The following LPA variants were observed in gnomAD, a reference collection of about 807,000 sequenced individuals.
The protein encoded by LPA is lipoprotein(a).
A neutral mutation model predicts 197.9 loss-of-function variants in LPA; 199 were observed. The observed-to-expected ratio is 1.01, with a 90% CI of 0.90 to 1.13. LPA has a LOEUF of 1.13. Among genes scored for constraint, LPA ranks in the 50% most tolerant of loss-of-function variants. The pLI, the probability that LPA is intolerant of heterozygous loss-of-function variation, is 0.00. For synonymous variants in LPA, 715 were observed against 639.5 expected (o/e 1.12, Z -1.78); for missense variants, 1,853 against 1,785.8 (o/e 1.04, Z -0.68).
intron 29 of LPA, among the ~76,000 whole-genome samples, chr6:160,556,940 C>A (rs1778274737): frequency 6.6e-6 from 1 of 152,068 alleles, no homozygotes; most frequent in South Asian, 2.1e-4. Context: ...TGCCAAATAG[C>A]CCCAGGATTA....
intron 20 of LPA, among the ~76,000 whole-genome samples, 191 bp downstream of exon 20, chr6:160,599,309 C>T (rs978037936): frequency 1.3e-5 from 2 of 152,168 alleles, no homozygotes; most frequent in Non-Finnish European, 2.9e-5. Context: ...TGCCACTGCA[C>T]TCCAGCCTGG....
rs1337089315 is a variant in LPA at position 160,650,466 on chromosome 6, A to G, written c.81T>C (p.Asp27=). The G allele has an allele frequency of 1.2e-6, 2 of 1,613,678 alleles. No individual in the cohort carries two copies. Among genetic ancestry groups the G allele is most frequent in the Admixed American group, 1.7e-5 (1 of 59,988 alleles). The change falls in exon 2 of 39, where the codon GAT becomes GAC. Residue 27 remains aspartate, a synonymous_variant. Transcript: ENST00000316300. ...AACTCTGTCCATCACCATGGTAGCA[A>G]TCCTGGACCACATGGCTTTGCTCAG... The part of the protein sequence containing the change: ...AAPEQSHVVQ[D]CYHGDGQSYR...
At chr6:160,578,427 C>A in intron 27 of LPA, 96 bp downstream of exon 27, 2 of 1,496,140 alleles carry the variant, frequency 1.3e-6, no homozygotes, top group Non-Finnish European at 1.9e-6. Flanking sequence ...AGACCCTCAA[C>A]CAACCCTCCA....
intron 28 of LPA, among the ~76,000 whole-genome samples, chr6:160,569,766 G>A (rs897284063): frequency 6.6e-6 from 1 of 152,044 alleles, no homozygotes; most frequent in African/African-American, 2.4e-5. Context: ...AATCTACAAA[G>A]AACATAAACA....
At chr6:160,594,197 G>T in intron 21 of LPA, 80 bp from the exon 22 acceptor site, 1 of 1,551,868 alleles carries the variant, frequency 6.4e-7, no homozygotes, top group Admixed American at 1.7e-5. Flanking sequence ...ACTGAAACAG[G>T]ATCATTGTCT....
In LPA at chr6:160,611,194, A is replaced by G. The variant is rs547981776; in HGVS notation, c.2603+368T>C. Among the ~76,000 whole-genome samples the G allele has an allele frequency of 5.3e-5, 8 of 152,220 alleles. No individual in the cohort carries two copies. The East Asian group carries it at 1.5e-3, about 29-fold the overall frequency. On this transcript the variant is annotated intron_variant, in intron 16 of 38. Coordinates refer to ENST00000316300, the MANE Select transcript of LPA (RefSeq NM_005577.4). ...GAGCCCAGACAGAAAAGGCAAACAC[A>G]ATCTTCCCTTCAGGAATTGGAAGTC... is the stretch of plus-strand genomic sequence containing the variant.
chr6:160,579,228 A>G (rs1351474291), intron 26 of LPA, among the ~76,000 whole-genome samples: 3 of 152,174 alleles, frequency 2.0e-5, no homozygotes, highest in African/African-American at 7.2e-5. Flanking sequence ...ATTTACTCAT[A>G]GTGTAGCATA....
At chr6:160,580,807 A>T (rs1440578982) in intron 26 of LPA, among the ~76,000 whole-genome samples, 1 of 152,216 alleles carries the variant, frequency 6.6e-6, no homozygotes, top group Non-Finnish European at 1.5e-5. Context: ...CTCTGGATAC[A>T]GGCCATTTGT....
At chr6:160,542,105 G>A (rs913936471) in intron 34 of LPA, among the ~76,000 whole-genome samples, 4 of 152,164 alleles carry the variant, frequency 2.6e-5, no homozygotes, top group Non-Finnish European at 4.4e-5. Context: ...CTGAACTTAC[G>A]AATTGCATGT....
intron 18 of LPA, among the ~76,000 whole-genome samples, chr6:160,601,946 G>A (rs1189668952): frequency 6.6e-6 from 1 of 152,168 alleles, no homozygotes; most frequent in African/African-American, 2.4e-5. Context: ...GAAGAGGTCG[G>A]GCAGCTATGG....
chr6:160,572,658 T>C (rs1029774067), intron 28 of LPA, among the ~76,000 whole-genome samples: 2 of 152,224 alleles, frequency 1.3e-5, no homozygotes, highest in Non-Finnish European at 2.9e-5. Flanking sequence ...CTTTCCTTCA[T>C]ATATGATGCT....
chr6:160,599,377 A>C, intron 20 of LPA, 123 bp downstream of exon 20: 2 of 1,434,458 alleles, frequency 1.4e-6, no homozygotes, highest in Non-Finnish European at 2.0e-6. Context: ...ACTTTTGCTC[A>C]CAGGAAATGT....
rs1583597324 is a variant in LPA, at chr6:160,585,044, A to G, written c.4289+2T>C. 6.2e-7 allele frequency: 1 copy of G among 1,613,510 alleles called. No individual in the cohort carries two copies. The highest frequency in any genetic ancestry group is 1.7e-5 in the Admixed American group (1 of 59,980). On this transcript the variant is annotated splice_donor_variant, in intron 26 of 38. Coordinates refer to ENST00000316300, the MANE Select transcript of LPA (RefSeq NM_005577.4). LOFTEE classifies it high-confidence loss of function. ...CTTTTATGGCTAACATGATAGACAT[A>G]CGCATTTGGATAGTATAATGGGATC...
chr6:160,656,325 C>A (rs1264345735), intron 1 of LPA, among the ~76,000 whole-genome samples: 1 of 152,128 alleles, frequency 6.6e-6, no homozygotes, highest in Non-Finnish European at 1.5e-5. Flanking sequence ...GCCTTTCCCA[C>A]CATAATAGCC....
intron 20 of LPA, among the ~76,000 whole-genome samples, chr6:160,597,176 G>A (rs537761214): frequency 6.6e-6 from 1 of 152,244 alleles, no homozygotes; most frequent in South Asian, 2.1e-4. Flanking sequence ...ATAGGTCGAC[G>A]TTTTTATTGA....
intron 38 of LPA, among the ~76,000 whole-genome samples, 180 bp downstream of exon 38, chr6:160,532,351 G>A (rs1034009484): frequency 3.9e-5 from 6 of 152,136 alleles, no homozygotes; most frequent in Non-Finnish European, 8.8e-5. Context: ...GCCCCAAGAC[G>A]TCTCCTTAGA....
At chr6:160,544,861 C>G (rs1413265375) in intron 33 of LPA, among the ~76,000 whole-genome samples, 1 of 152,114 alleles carries the variant, frequency 6.6e-6, no homozygotes, top group African/African-American at 2.4e-5. Context: ...CAATAAGAGT[C>G]TCAGAGCAAT....
chr6:160,535,788 C>T (rs562501458), intron 37 of LPA, among the ~76,000 whole-genome samples: 6 of 152,004 alleles, frequency 3.9e-5, no homozygotes, highest in South Asian at 4.2e-4. Context: ...GATGAGAAAG[C>T]GGAGGCTAAA....
At chr6:160,554,918 G>T (rs1024029929) in intron 30 of LPA, among the ~76,000 whole-genome samples, 5 of 152,128 alleles carry the variant, frequency 3.3e-5, no homozygotes, top group African/African-American at 9.7e-5. Context: ...GTCCAGGAAG[G>T]TTCTCCAGGA....
Sources: allele counts gnomAD v4.1 joint callset (sites outside exome capture counted in the v4.1 genomes callset), GRCh38; gene constraint gnomAD v4.1.1; transcripts MANE v1.5; gene names NCBI Gene and HGNC (gene_info 2026-07-23, HGNC 2026-07-21).